The following DGKK variants were observed in gnomAD, a reference collection of about 807,000 sequenced individuals.
The protein encoded by DGKK is 142 kDa diacylglycerol kinase.
In DGKK, 35 loss-of-function variants were observed where a neutral mutation model predicts 92.2. The observed-to-expected ratio is 0.38, with a 90% confidence interval of 0.29 to 0.50. The LOEUF is 0.50. Among genes scored for constraint, DGKK ranks in the 20% least tolerant of loss-of-function variants. The pLI is 0.92. For missense variants in DGKK, 910 were observed against 992.2 expected (o/e 0.92, Z 1.11); for synonymous variants, 368 against 360.6 (o/e 1.02, Z -0.23).
intron 1 of DGKK, among the ~76,000 whole-genome samples, chrX:50,464,785 AC>A (rs1557233810): frequency 9.0e-6 from 1 of 111,408 alleles, no homozygotes; most frequent in Non-Finnish European, 1.9e-5. Flanking sequence ...GATGTAATTT[AC>A]ATACCATAAA....
chrX:50,430,294 G>GAAATAATTTAGGAAGGGCTGTAGAATC (rs1557230158), intron 1 of DGKK, among the ~76,000 whole-genome samples: 1 of 112,157 alleles, frequency 8.9e-6, no homozygotes, highest in Admixed American at 9.4e-5. Flanking sequence ...GCTGCAGATA[G>GAAATAATTTAGGAAGGGCTGTAGAATC]AAATAATTTA....
At chrX:50,424,569 T>A (rs1379798325) in intron 1 of DGKK, among the ~76,000 whole-genome samples, 1 of 111,961 alleles carries the variant, frequency 8.9e-6, no homozygotes, top group African/African-American at 3.2e-5. Context: ...ATGATATAGG[T>A]TTCACGTTTA....
intron 1 of DGKK, among the ~76,000 whole-genome samples, chrX:50,437,028 C>T (rs782739463): frequency 2.7e-5 from 3 of 111,296 alleles, no homozygotes; most frequent in South Asian, 3.8e-4. Flanking sequence ...AGTAATATGA[C>T]GCTGGACCCA....
In DGKK at chrX:50,447,360, A is replaced by AT. The variant is rs1479075679; in HGVS notation, c.645+22673dup. On this transcript the variant is annotated intron_variant, in intron 1 of 27. Transcript: ENST00000611977. ...TATATATATTATATATATATATAAT[A>AT]TATATATATTATATATATATATAAT... Among the ~76,000 whole-genome samples the AT allele has an allele frequency of 2.9e-4, 4 of 13,927 alleles. No individual in the cohort carries two copies. The African/African-American group carries it at 3.0e-3, about 10-fold the overall frequency. The allele number at this position is 13,927 out of a possible 115,157, so 12.1% of individuals were successfully genotyped here.
At chrX:50,375,144 G>A in intron 24 of DGKK, 87 bp from the exon 25 acceptor site, 6 of 701,544 alleles carry the variant, frequency 8.6e-6, no homozygotes, top group Non-Finnish European at 1.1e-5. Context: ...TTCTCCGTGG[G>A]AAGGTAGAAG....
intron 1 of DGKK, among the ~76,000 whole-genome samples, chrX:50,461,141 T>G (rs1051663282): frequency 8.9e-6 from 1 of 112,455 alleles, no homozygotes; most frequent in African/African-American, 3.2e-5. Flanking sequence ...AAAATCTATA[T>G]ACTTACTGCT....
intron 1 of DGKK, among the ~76,000 whole-genome samples, chrX:50,430,041 C>T (rs73497590): frequency 0.036 from 4,071 of 112,095 alleles, 194 homozygotes; most frequent in African/African-American, 0.13. Context: ...GAAATTTTTC[C>T]TCTCAAATAA....
At chrX:50,428,845 T>C (rs1467797330) in intron 1 of DGKK, among the ~76,000 whole-genome samples, 3 of 111,895 alleles carry the variant, frequency 2.7e-5, no homozygotes, top group African/African-American at 9.7e-5. Context: ...AATAAACCAT[T>C]GTTTATTTTG....
rs782238559 is a variant in DGKK, at chrX:50,470,529, C to T, written c.150G>A (p.Ser50=). The T allele has an allele frequency of 6.6e-6, 8 of 1,210,924 alleles. No homozygotes were observed. Among genetic ancestry groups the T allele is most frequent in the Non-Finnish European group, 1.1e-6 (1 of 895,475 alleles). The change falls in exon 1 of 28, where the codon TCG becomes TCA. Residue 50 remains serine, a synonymous_variant. Coordinates refer to ENST00000611977, the MANE Select transcript of DGKK (RefSeq NM_001013742.4). ...PPAPPLLSEA[S]PEPIPEPCPE... ...GACAGGGCTCTGGTATGGGTTCTGG[C>T]GAAGCCTCGGAGAGCAGCGGCGGAG...
At chrX:50,438,847 T>A (rs1253939476) in intron 1 of DGKK, among the ~76,000 whole-genome samples, 1 of 111,637 alleles carries the variant, frequency 9.0e-6, no homozygotes, top group East Asian at 2.8e-4. Context: ...AAAAACAAGC[T>A]ATTAATATCG....
intron 15 of DGKK, 38 bp from the exon 16 acceptor site, chrX:50,384,862 A>C (rs782700164): frequency 9.7e-7 from 1 of 1,034,464 alleles, no homozygotes; most frequent in Non-Finnish European, 1.3e-6. Context: ...GCAAAAAAGA[A>C]AGGAGGAAGG....
At chrX:50,452,115 T>C (rs1926508475) in intron 1 of DGKK, among the ~76,000 whole-genome samples, 1 of 111,800 alleles carries the variant, frequency 8.9e-6, no homozygotes, top group African/African-American at 3.2e-5. Flanking sequence ...TAGACTGATA[T>C]CATAAATAAG....
intron 14 of DGKK, among the ~76,000 whole-genome samples, chrX:50,387,324 G>A (rs782252255): frequency 9.0e-6 from 1 of 111,526 alleles, no homozygotes; most frequent in Non-Finnish European, 1.9e-5. Flanking sequence ...CTAGTTGTGG[G>A]CAGATGCTTG....
At chrX:50,376,192 G>A in intron 23 of DGKK, 27 bp from the exon 24 acceptor site, 1 of 1,202,530 alleles carries the variant, frequency 8.3e-7, no homozygotes, top group South Asian at 1.8e-5. Flanking sequence ...ACAGATAGAT[G>A]AGTTGGGATT....
chrX:50,420,461 T>G lies in DGKK; in HGVS notation c.884A>C (p.Lys295Thr). The stretch of plus-strand genomic sequence containing the variant: ...GATGTTAATCCATTCTTCCATGTCT[T>G]TCCGGTTGGGTGCAGCCAGAGTGAT... Reference protein sequence around the residue: ...RKITLAAPNRKDMEEWINIIK... With the variant: ...RKITLAAPNRTDMEEWINIIK... Residue 295 changes from lysine to threonine, a missense_variant, in exon 4 of 28, where the codon AAA becomes ACA. Physicochemically the swap from Lys to Thr is moderately conservative, Grantham distance 78 (BLOSUM62 -1). Coordinates refer to ENST00000611977, the MANE Select transcript of DGKK (RefSeq NM_001013742.4). 1.7e-6 allele frequency: 2 copies of G among 1,211,023 alleles called. No individual in the cohort carries two copies. Among genetic ancestry groups the G allele is most frequent in the Non-Finnish European group, 2.2e-6 (2 of 894,923 alleles).
chrX:50,388,276 G>A (rs1924599096), intron 13 of DGKK, among the ~76,000 whole-genome samples: 1 of 112,081 alleles, frequency 8.9e-6, no homozygotes, highest in African/African-American at 3.2e-5. Context: ...CTATAATGTT[G>A]TGTTTCCCTA....
intron 3 of DGKK, among the ~76,000 whole-genome samples, chrX:50,421,503 T>G (rs1247323463): frequency 1.8e-5 from 2 of 112,086 alleles, no homozygotes; most frequent in Non-Finnish European, 3.8e-5. Context: ...TCAGTGCTTC[T>G]GTGCTTTAAT....
intron 8 of DGKK, among the ~76,000 whole-genome samples, chrX:50,396,343 G>A (rs781885165): frequency 1.8e-5 from 2 of 111,905 alleles, no homozygotes; most frequent in Non-Finnish European, 3.8e-5. Context: ...GGATATGGGG[G>A]CTGTAGGAGA....
intron 10 of DGKK, 36 bp downstream of exon 10, chrX:50,392,305 C>G: frequency 9.1e-7 from 1 of 1,092,952 alleles, no homozygotes; most frequent in South Asian, 1.9e-5. Context: ...CCTACTCTTT[C>G]TAGCAATGGC....
Sources: allele counts gnomAD v4.1 joint callset (sites outside exome capture counted in the v4.1 genomes callset), GRCh38; gene constraint gnomAD v4.1.1; transcripts MANE v1.5; gene names NCBI Gene and HGNC (gene_info 2026-07-23, HGNC 2026-07-21).